The following ABCB4 variants were observed in gnomAD, a reference collection of about 807,000 sequenced individuals.
ABCB4 encodes phosphatidylcholine translocator ABCB4.
ABCB4 carries 76 observed loss-of-function variants against 145.7 expected under a neutral mutation model. The observed-to-expected ratio is 0.52, with a 90% CI of 0.43 to 0.63. The LOEUF is 0.63. ABCB4 is among the 30% of genes least tolerant of loss of function. ABCB4 has a pLI of 0.00. For missense variants in ABCB4, 1,234 were observed against 1,553.1 expected (o/e 0.79, Z 3.45); for synonymous variants, 517 against 566.8 (o/e 0.91, Z 1.25).
chr7:87,379,172 G>A, the ABCB4 span, among the ~76,000 whole-genome samples: 1 of 152,090 alleles, frequency 6.6e-6, no homozygotes, highest in Non-Finnish European at 1.5e-5. Flanking sequence ...TGACCTGTCT[G>A]CTGCAGTTGG....
At chr7:87,413,166 T>G (rs147085925) in intron 22 of ABCB4, among the ~76,000 whole-genome samples, 1 of 152,342 alleles carries the variant, frequency 6.6e-6, no homozygotes, top group African/African-American at 2.4e-5. Flanking sequence ...TCTGTGTTTC[T>G]TTATCTTCAG....
chr7:87,403,307 T>C (rs1807940853), intron 26 of ABCB4, 26 bp from the exon 27 acceptor site: 12 of 1,601,694 alleles, frequency 7.5e-6, no homozygotes, highest in Non-Finnish European at 1.0e-5. Flanking sequence ...ATTATAAATA[T>C]GTTGAATGAA....
At chr7:87,424,170 G>T in intron 16 of ABCB4, 118 bp from the exon 17 acceptor site, 1 of 1,217,070 alleles carries the variant, frequency 8.2e-7, no homozygotes, top group Non-Finnish European at 1.2e-6. Flanking sequence ...TGCAGAGAAT[G>T]ACAAGCAAAC....
chr7:87,466,502 C>T (rs994125840), intron 3 of ABCB4, among the ~76,000 whole-genome samples: 1 of 152,154 alleles, frequency 6.6e-6, no homozygotes, highest in African/African-American at 2.4e-5. Context: ...AGAACTTCCC[C>T]AATCTAGCAA....
chr7:87,381,370 C>T, the ABCB4 span, among the ~76,000 whole-genome samples: 3,208 of 152,302 alleles, frequency 0.021, 118 homozygotes, highest in African/African-American at 0.072. Context: ...CCCAGCCTAT[C>T]TTTCCCACAT....
rs750541785 is a variant in ABCB4 at position 87,439,653 on chromosome 7, T to G, written c.1731+14A>C. Reference sequence around the variant, plus strand: ...TCAATGTGGTGGTCCTTCAGCTTTTTAGAGTCTACTGACCTTATCCAGAGC... The same window carrying G: ...TCAATGTGGTGGTCCTTCAGCTTTTGAGAGTCTACTGACCTTATCCAGAGC... On this transcript the variant is annotated intron_variant, in intron 14 of 27. Transcript: ENST00000649586. 6.2e-7 allele frequency: 1 copy of G among 1,614,044 alleles called. No homozygotes were observed. The highest frequency in any genetic ancestry group is 1.3e-5 in the African/African-American group (1 of 74,926).
intron 4 of ABCB4, among the ~76,000 whole-genome samples, chr7:87,458,371 G>A (rs1384221223): frequency 6.6e-6 from 1 of 152,230 alleles, no homozygotes; most frequent in South Asian, 2.1e-4. Context: ...TGACAAGGAC[G>A]AGCTTTGCTC....
chr7:87,456,487 C>T (rs1322066226), intron 4 of ABCB4, among the ~76,000 whole-genome samples: 1 of 152,070 alleles, frequency 6.6e-6, no homozygotes, highest in Non-Finnish European at 1.5e-5. Context: ...CTCCCTCCTG[C>T]TCCCTCTCTC....
intron 17 of ABCB4, among the ~76,000 whole-genome samples, chr7:87,422,878 C>T (rs1201850273): frequency 6.6e-6 from 1 of 152,176 alleles, no homozygotes; most frequent in Non-Finnish European, 1.5e-5. Flanking sequence ...CCGACAGAAA[C>T]CGCTGTTTGA....
intron 7 of ABCB4, 24 bp from the exon 8 acceptor site, chr7:87,450,116 C>T (rs764875198): frequency 6.2e-7 from 1 of 1,613,446 alleles, no homozygotes; most frequent in Non-Finnish European, 8.5e-7. Context: ...AAACAGTGAT[C>T]ACTTTTGTAT....
intron 10 of ABCB4, 27 bp downstream of exon 10, chr7:87,444,835 T>G (rs752862367): frequency 6.5e-7 from 1 of 1,543,954 alleles, no homozygotes; most frequent in East Asian, 2.3e-5. Context: ...AAGACTTCTT[T>G]TGGCACTAAA....
At chr7:87,467,812 A>C (rs866833706) in intron 3 of ABCB4, among the ~76,000 whole-genome samples, 3 of 151,570 alleles carry the variant, frequency 2.0e-5, no homozygotes, top group Non-Finnish European at 3.0e-5. Context: ...ACATAACGAA[A>C]TGAAGGCAGA....
At chr7:87,375,481 G>A in the ABCB4 span, 2 of 565,248 alleles carry the variant, frequency 3.5e-6, no homozygotes, top group East Asian at 5.7e-5. Context: ...AAAAAAATAT[G>A]TGATGTAGGA....
At chr7:87,373,662 A>G in the ABCB4 span, among the ~76,000 whole-genome samples, 16 of 152,100 alleles carry the variant, frequency 1.1e-4, no homozygotes, top group Non-Finnish European at 2.2e-4. Context: ...ACAGAGATTG[A>G]GAGAAAAAAT....
At chr7:87,376,335 C>T in the ABCB4 span, among the ~76,000 whole-genome samples, 1 of 152,110 alleles carries the variant, frequency 6.6e-6, no homozygotes, top group East Asian at 1.9e-4. Context: ...ATCTTGACAC[C>T]ATAGTTGGGA....
the ABCB4 span, chr7:87,377,314 AC>A: frequency 7.6e-7 from 1 of 1,321,864 alleles, no homozygotes. Flanking sequence ...CCAATATTAA[AC>A]CCTTTTAATT....
At chr7:87,420,751 A>G (rs895285017) in intron 18 of ABCB4, among the ~76,000 whole-genome samples, 17 of 152,218 alleles carry the variant, frequency 1.1e-4, no homozygotes, top group African/African-American at 3.4e-4. Flanking sequence ...ATCAGTATGC[A>G]TTACAATCAA....
At chr7:87,453,946 A>T (rs938018784) in intron 5 of ABCB4, among the ~76,000 whole-genome samples, 8 of 54,496 alleles carry the variant, frequency 1.5e-4, no homozygotes, top group Admixed American at 5.0e-4. Context: ...AAATATTTTA[A>T]AAAAAGATAT....
chr7:87,428,182 A>G (rs1280866010), intron 15 of ABCB4, among the ~76,000 whole-genome samples: 1 of 152,188 alleles, frequency 6.6e-6, no homozygotes, highest in East Asian at 1.9e-4. Context: ...AAGCCCATTC[A>G]GATTTTAGCT....
Sources: allele counts gnomAD v4.1 joint callset (sites outside exome capture counted in the v4.1 genomes callset), GRCh38; gene constraint gnomAD v4.1.1; transcripts MANE v1.5; gene names NCBI Gene and HGNC (gene_info 2026-07-23, HGNC 2026-07-21).